Variants in CNDP1 observed in about 807,000 individuals in gnomAD.
The protein encoded by CNDP1 is beta-Ala-His dipeptidase.
In CNDP1, 44 loss-of-function variants were observed where a neutral mutation model predicts 58.1. That is an observed-to-expected ratio of 0.76 (90% CI 0.60 to 0.97). The LOEUF is 0.97. Ranked by LOEUF, CNDP1 falls within the 50% of genes least tolerant of loss-of-function variation. The probability of loss-of-function intolerance (pLI) is 0.00; values close to 1 mark genes in which losing one functional copy is unlikely to be tolerated. For synonymous variants in CNDP1, 254 were observed against 252.6 expected (o/e 1.01, Z -0.05); for missense variants, 616 against 655.1 (o/e 0.94, Z 0.65).
chr18:74,560,010 C>CTTT lies in CNDP1; in HGVS notation c.303+553_303+555dup, dbSNP rs398033526. ...ATTTAAGCCAGTTGTCATCTGCATT[C>CTTT]TTTTTTTTTTTTTTTTTGAGACAGA... On this transcript the variant is annotated intron_variant, in intron 3 of 11. Transcript: ENST00000358821. Among the ~76,000 whole-genome samples the CTTT allele has an allele frequency of 1.3e-3, 163 of 121,300 alleles. 10 individuals carry two copies. Among genetic ancestry groups the CTTT allele is most frequent in the African/African-American group, 2.4e-3 (78 of 32,548 alleles). The allele number at this position is 121,300 out of a possible 152,430, so 79.6% of individuals were successfully genotyped here.
intron 1 of CNDP1, among the ~76,000 whole-genome samples, chr18:74,541,379 C>A (rs1980620917): frequency 6.6e-6 from 1 of 152,202 alleles, no homozygotes; most frequent in Non-Finnish European, 1.5e-5. Flanking sequence ...GAGATGCTGC[C>A]CTGGTGACTG....
intron 1 of CNDP1, among the ~76,000 whole-genome samples, chr18:74,549,460 A>G (rs1194002745): frequency 6.6e-6 from 1 of 152,310 alleles, no homozygotes; most frequent in Non-Finnish European, 1.5e-5. Context: ...TTCAGCCTCA[A>G]AGAGTGAGTT....
intron 2 of CNDP1, among the ~76,000 whole-genome samples, chr18:74,557,773 A>C (rs2144653685): frequency 6.6e-6 from 1 of 152,232 alleles, no homozygotes; most frequent in Non-Finnish European, 1.5e-5. Context: ...GGATCAATCA[A>C]CCAATTTTGG....
intron 2 of CNDP1, among the ~76,000 whole-genome samples, chr18:74,557,133 A>AT (rs926639229): frequency 4.6e-5 from 7 of 151,922 alleles, no homozygotes; most frequent in African/African-American, 1.2e-4. Flanking sequence ...GGGCAGGCTG[A>AT]TTTTGAACTC....
rs539198050 is a variant in CNDP1, at chr18:74,569,530, A to AG, written c.757-1654dup. 1.2e-4 allele frequency among the ~76,000 whole-genome samples: 18 copies of AG among 152,274 alleles called. No individual in the cohort carries two copies. The East Asian group carries it at 2.9e-3, about 24-fold the overall frequency. ...GTTTTAGGTCTGGTGTTTAAGTAGA[A>AG]GGTCAGACCTCCAGGGATGAACATT... is the stretch of plus-strand genomic sequence containing the variant. On this transcript the variant is annotated intron_variant, in intron 6 of 11. Transcript: ENST00000358821.
chr18:74,539,481 T>G (rs1248712003), intron 1 of CNDP1, among the ~76,000 whole-genome samples: 1 of 152,210 alleles, frequency 6.6e-6, no homozygotes, highest in Non-Finnish European at 1.5e-5. Flanking sequence ...GGAGCTATCC[T>G]GCGCATGAGG....
Position 74,559,402 on chromosome 18 carries a change from T to C in CNDP1, c.233T>C (p.Met78Thr), listed in dbSNP as rs890057454. Residue 78 changes from methionine to threonine, a missense_variant, in exon 3 of 12, where the codon ATG becomes ACG. Physicochemically the swap from Met to Thr is moderately conservative, Grantham distance 81 (BLOSUM62 -1). Transcript: ENST00000358821. Reference protein sequence around the residue: ...PRFRQELFRMMAVAADTLQRL... With the variant: ...PRFRQELFRMTAVAADTLQRL... ...TTCAGACAAGAGCTCTTCAGAATGA[T>C]GGCCGTGGCTGCGGACACGCTGCAG... is the stretch of plus-strand genomic sequence containing the variant. The C allele has an allele frequency of 1.2e-6, 2 of 1,613,640 alleles. No homozygotes were observed. The highest frequency in any genetic ancestry group is 1.7e-5 in the Admixed American group (1 of 60,004).
intron 1 of CNDP1, 125 bp from the exon 2 acceptor site, chr18:74,556,213 A>G: frequency 9.6e-7 from 1 of 1,044,778 alleles, no homozygotes; most frequent in Non-Finnish European, 1.4e-6. Context: ...GCCTTGTGTT[A>G]TTTTATTCCG....
At chr18:74,559,780 T>A (rs1022784620) in intron 3 of CNDP1, among the ~76,000 whole-genome samples, 17 of 152,186 alleles carry the variant, frequency 1.1e-4, no homozygotes, top group African/African-American at 4.1e-4. Context: ...AAATTTCTCC[T>A]TTAAGGAAAA....
chr18:74,578,100 C>T (rs1981678188), intron 8 of CNDP1, 63 bp from the exon 9 acceptor site: 1 of 1,486,814 alleles, frequency 6.7e-7, no homozygotes, highest in Non-Finnish European at 9.2e-7. Flanking sequence ...GGTGGTAACA[C>T]AAGCAACCCA....
Position 74,587,107 on chromosome 18 carries a change from G to GA in CNDP1, c.*2545_*2546insA, listed in dbSNP as rs1981932584. On this transcript the variant is annotated 3_prime_UTR_variant, in exon 12 of 12. Coordinates refer to ENST00000358821, the MANE Select transcript of CNDP1 (RefSeq NM_032649.6). The stretch of plus-strand genomic sequence containing the variant: ...ACTATTGTGATAAGTTTAGGGGTTA[G>GA]GAATATCATTTGAGTTTGGTAGATG... 1 of 152,214 alleles carries GA rather than the reference G, an allele frequency of 6.6e-6. No homozygotes were observed. Among genetic ancestry groups the GA allele is most frequent in the African/African-American group, 2.4e-5 (1 of 41,438 alleles). The allele number at this position is 152,214 out of a possible 1,614,324, so 9.4% of individuals were successfully genotyped here.
At chr18:74,539,409 G>T (rs953229755) in intron 1 of CNDP1, among the ~76,000 whole-genome samples, 2 of 152,190 alleles carry the variant, frequency 1.3e-5, no homozygotes, top group African/African-American at 4.8e-5. Context: ...TGCCAGGTGG[G>T]CTCTTTCCCA....
chr18:74,537,745 AGAG>A (rs1306805391), intron 1 of CNDP1, among the ~76,000 whole-genome samples: 1 of 152,192 alleles, frequency 6.6e-6, no homozygotes, highest in East Asian at 1.9e-4. Flanking sequence ...CTCCGGGCAA[AGAG>A]TGGTACCTGG....
intron 1 of CNDP1, among the ~76,000 whole-genome samples, chr18:74,548,712 C>G (rs1021672081): frequency 1.3e-5 from 2 of 152,166 alleles, no homozygotes; most frequent in Admixed American, 1.3e-4. Context: ...GGAAAGTTTG[C>G]AACTTCTTAG....
At chr18:74,540,624 G>A (rs1980597238) in intron 1 of CNDP1, among the ~76,000 whole-genome samples, 2 of 152,140 alleles carry the variant, frequency 1.3e-5, no homozygotes, top group African/African-American at 4.8e-5. Context: ...TAGATGTGTG[G>A]GGGTGTAACC....
At position 74,560,998 on chromosome 18, in the gene CNDP1, A is replaced by G. The variant is rs757556243; in HGVS notation, c.446A>G (p.Tyr149Cys). ...GGCGATGGGTGGCTCACGGACCCCT[A>G]TGTGCTGACGGAGGTAGACGGTCAG... ...DRGDGWLTDPYVLTEVDGKLY... is the reference protein window; with the variant it reads ...DRGDGWLTDPCVLTEVDGKLY... Residue 149 changes from tyrosine (Y) to cysteine (C), a missense_variant, in exon 4 of 12, where the codon TAT becomes TGT. By Grantham distance (194) the Tyr-to-Cys change is radical. Transcript: ENST00000358821. 2.5e-5 allele frequency: 40 copies of G among 1,613,450 alleles called. No homozygotes were observed. The highest frequency in any genetic ancestry group is 3.3e-5 in the Non-Finnish European group (39 of 1,179,718).
chr18:74,570,231 T>C (rs550257312), intron 6 of CNDP1, among the ~76,000 whole-genome samples: 3 of 85,802 alleles, frequency 3.5e-5, no homozygotes, highest in Admixed American at 1.4e-4. Flanking sequence ...ATAATAATAA[T>C]AATAAATAAT....
chr18:74,538,784 G>A (rs866995727), intron 1 of CNDP1, among the ~76,000 whole-genome samples: 6 of 152,170 alleles, frequency 3.9e-5, no homozygotes, highest in Admixed American at 1.3e-4. Flanking sequence ...AATGCCTAAT[G>A]ATACTGAACA....
intron 2 of CNDP1, 35 bp downstream of exon 2, chr18:74,556,501 T>C: frequency 6.2e-7 from 1 of 1,611,988 alleles, no homozygotes; most frequent in Non-Finnish European, 8.5e-7. Context: ...ACACACAGAA[T>C]GCTTGGATTA....
Sources: allele counts gnomAD v4.1 joint callset (sites outside exome capture counted in the v4.1 genomes callset), GRCh38; gene constraint gnomAD v4.1.1; transcripts MANE v1.5; gene names NCBI Gene and HGNC (gene_info 2026-07-23, HGNC 2026-07-21).